Variants in TBCE observed in about 807,000 individuals in gnomAD.
TBCE encodes tubulin folding cofactor E, also known as tubulin-specific chaperone E.
In TBCE, 53 loss-of-function variants were observed where a neutral mutation model predicts 77.0. The ratio of observed to expected loss-of-function variants is 0.69; its 90% CI spans 0.55 to 0.87. TBCE has a LOEUF of 0.87. Ranked by LOEUF, TBCE falls within the 40% of genes least tolerant of loss-of-function variation. TBCE has a pLI of 0.00. For missense variants in TBCE, 624 were observed against 622.4 expected (o/e 1.00, Z -0.03); for synonymous variants, 235 against 241.3 (o/e 0.97, Z 0.24).
chr1:235,438,974 A>G (rs1681645962), intron 13 of TBCE, 52 bp downstream of exon 13: 4 of 1,613,532 alleles, frequency 2.5e-6, no homozygotes, highest in Non-Finnish European at 3.4e-6. Context: ...CAGCTGGAAC[A>G]AAGTTTTTTC....
At chr1:235,437,546 TCA>T in intron 12 of TBCE, 72 bp downstream of exon 12, 1 of 1,568,532 alleles carries the variant, frequency 6.4e-7, no homozygotes, top group Non-Finnish European at 8.7e-7. Flanking sequence ...GCGCCGTGGC[TCA>T]CACCTGTAAT....
intron 2 of TBCE, among the ~76,000 whole-genome samples, chr1:235,388,047 G>C (rs565249151): frequency 6.6e-6 from 1 of 152,134 alleles, no homozygotes; most frequent in South Asian, 2.1e-4. Context: ...TTACTTTCCT[G>C]GTATTATTTG....
intron 2 of TBCE, among the ~76,000 whole-genome samples, chr1:235,395,535 ACTT>A (rs759499040): frequency 6.4e-4 from 83 of 130,410 alleles, no homozygotes; most frequent in Middle Eastern, 0.01. Context: ...CCATCATTCT[ACTT>A]CTTCTTCTTC....
intron 3 of TBCE, 128 bp downstream of exon 3, chr1:235,401,715 C>CA (rs1324850107): frequency 7.5e-6 from 6 of 799,010 alleles, no homozygotes; most frequent in Non-Finnish European, 8.3e-6. Context: ...TGTTGTATTC[C>CA]AAAAAGGCAG....
At chr1:235,442,678 CTGT>C (rs1449096016) in intron 14 of TBCE, among the ~76,000 whole-genome samples, 171 bp from the exon 15 acceptor site, 2 of 152,126 alleles carry the variant, frequency 1.3e-5, no homozygotes, top group Non-Finnish European at 2.9e-5. Flanking sequence ...CCAGCTATTT[CTGT>C]TGTTGTTAGC....
intron 1 of TBCE, among the ~76,000 whole-genome samples, chr1:235,379,264 A>C (rs940327688): frequency 2.2e-4 from 34 of 152,114 alleles, no homozygotes; most frequent in African/African-American, 8.2e-4. Context: ...GCAGTGGCTC[A>C]TGCCTGTAAT....
At chr1:235,368,551 G>GTTTTTTTTTTT (rs1558337496) in intron 1 of TBCE, among the ~76,000 whole-genome samples, 1 of 44,876 alleles carries the variant, frequency 2.2e-5, no homozygotes, top group Non-Finnish European at 4.2e-5. Flanking sequence ...TGGACAGCCT[G>GTTTTTTTTTTT]CTTTTTTTTT....
intron 5 of TBCE, among the ~76,000 whole-genome samples, chr1:235,420,048 G>A (rs1398102374): frequency 6.6e-6 from 1 of 151,948 alleles, no homozygotes; most frequent in Non-Finnish European, 1.5e-5. Flanking sequence ...TCGCGCCAGT[G>A]CACTCAGCCT....
intron 2 of TBCE, among the ~76,000 whole-genome samples, chr1:235,386,869 G>T (rs1678042624): frequency 6.6e-6 from 1 of 151,932 alleles, no homozygotes; most frequent in Non-Finnish European, 1.5e-5. Flanking sequence ...GAGGAGGAGA[G>T]GCGCTCTGCT....
intron 1 of TBCE, among the ~76,000 whole-genome samples, chr1:235,376,720 A>T (rs1677319171): frequency 6.6e-6 from 1 of 152,146 alleles, no homozygotes. Context: ...TCACACCTGT[A>T]ATCCCAGCAC....
intron 13 of TBCE, chr1:235,440,679 C>A (rs1681818726): frequency 6.6e-6 from 1 of 152,302 alleles, no homozygotes; most frequent in Non-Finnish European, 1.5e-5. Flanking sequence ...CAGGCGAGAG[C>A]CACCGCGCCC....
chr1:235,401,826 C>CTTT (rs11285286), intron 3 of TBCE, among the ~76,000 whole-genome samples: 11,700 of 88,132 alleles, frequency 0.13, 806 homozygotes, highest in African/African-American at 0.26. Context: ...TTTCTTCGTC[C>CTTT]TTTTTTTTTT....
chr1:235,379,032 G>T (rs1367920148), intron 1 of TBCE, among the ~76,000 whole-genome samples: 1 of 152,048 alleles, frequency 6.6e-6, no homozygotes, highest in Admixed American at 6.6e-5. Context: ...TCTGTCCCTT[G>T]GATTCCAAGG....
chr1:235,400,614 A>G (rs1450477590), intron 2 of TBCE, among the ~76,000 whole-genome samples: 1 of 151,062 alleles, frequency 6.6e-6, no homozygotes, highest in African/African-American at 2.4e-5. Flanking sequence ...GTTAGCCAGG[A>G]TGGTCTCGAA....
intron 1 of TBCE, among the ~76,000 whole-genome samples, chr1:235,379,127 T>G (rs892066888): frequency 3.3e-5 from 5 of 152,182 alleles, no homozygotes; most frequent in Non-Finnish European, 7.3e-5. Flanking sequence ...ACTATTATGT[T>G]TTTGCAGGAT....
At chr1:235,427,001 G>T (rs1020284973) in intron 5 of TBCE, 139 bp from the exon 6 acceptor site, 1 of 671,944 alleles carries the variant, frequency 1.5e-6, no homozygotes, top group East Asian at 2.7e-5. Context: ...AAAATATTAT[G>T]TACTCCTGAA....
At chr1:235,432,567 C>T (rs998327793) in intron 7 of TBCE, among the ~76,000 whole-genome samples, 2 of 152,072 alleles carry the variant, frequency 1.3e-5, no homozygotes, top group African/African-American at 4.8e-5. Context: ...ATCACTTGAG[C>T]CCAGGAGTTT....
At chr1:235,397,224 C>T (rs1348467294) in intron 2 of TBCE, among the ~76,000 whole-genome samples, 1 of 130,900 alleles carries the variant, frequency 7.6e-6, no homozygotes, top group Non-Finnish European at 1.6e-5. Flanking sequence ...TTTTTTGAGA[C>T]GGAGTCTTGC....
chr1:235,378,716 G>A (rs1226066927), intron 1 of TBCE, among the ~76,000 whole-genome samples: 3 of 151,894 alleles, frequency 2.0e-5, no homozygotes, highest in Non-Finnish European at 4.4e-5. Context: ...GTATGGTGGC[G>A]TGTGCGTGGT....
Sources: allele counts gnomAD v4.1 joint callset (sites outside exome capture counted in the v4.1 genomes callset), GRCh38; gene constraint gnomAD v4.1.1; transcripts MANE v1.5; gene names NCBI Gene and HGNC (gene_info 2026-07-23, HGNC 2026-07-21).